TXNDC16: variants seen among roughly 807,000 people sequenced by gnomAD.
TXNDC16 encodes the protein thioredoxin domain-containing protein 16.
Under a neutral mutation model 85.6 loss-of-function variants are expected in TXNDC16, and 74 were observed. The ratio of observed to expected loss-of-function variants is 0.86; its 90% CI spans 0.72 to 1.05. The LOEUF (loss-of-function observed/expected upper bound fraction) is 1.05, where lower values mean the gene tolerates loss of function less well. Ranked by LOEUF, TXNDC16 falls within the 50% of genes least tolerant of loss-of-function variation. TXNDC16 has a pLI of 0.00. For synonymous variants in TXNDC16, 335 were observed against 326.5 expected (o/e 1.03, Z -0.28); for missense variants, 959 against 947.0 (o/e 1.01, Z -0.17).
chr14:52,465,454 T>C (rs2035750226), intron 16 of TXNDC16, among the ~76,000 whole-genome samples: 4 of 151,890 alleles, frequency 2.6e-5, no homozygotes, highest in Admixed American at 2.6e-4. Context: ...CAGCCGGGCT[T>C]GGTGGCGGGC....
chr14:52,522,913 T>C (rs950302670), intron 6 of TXNDC16, among the ~76,000 whole-genome samples: 1 of 152,164 alleles, frequency 6.6e-6, no homozygotes, highest in African/African-American at 2.4e-5. Flanking sequence ...AAAGATAAGT[T>C]CATGGGGCTT....
rs1016680735 is a variant in TXNDC16 at position 52,537,069 on chromosome 14, A to G, written c.318-276T>C. On this transcript the variant is annotated intron_variant, in intron 5 of 20. Coordinates refer to ENST00000281741, the MANE Select transcript of TXNDC16 (RefSeq NM_020784.3). ...TTCCTACCAGTCTCCCCAACTCACA[A>G]TCACACACACACACACACACACACA... 4.2e-5 allele frequency among the ~76,000 whole-genome samples: 4 copies of G among 96,278 alleles called. No homozygotes were observed. In the East Asian group the frequency reaches 1.3e-3, roughly 32 times the overall value. 63.2% of individuals were successfully genotyped at this position (96,278 alleles called of 152,430 possible).
chr14:52,468,172 T>C (rs1263060062), intron 16 of TXNDC16, among the ~76,000 whole-genome samples: 1 of 152,190 alleles, frequency 6.6e-6, no homozygotes, highest in Non-Finnish European at 1.5e-5. Context: ...TGGAGATTAG[T>C]TGTACAACAA....
chr14:52,532,173 G>A (rs1315515346), intron 6 of TXNDC16, among the ~76,000 whole-genome samples: 1 of 152,094 alleles, frequency 6.6e-6, no homozygotes, highest in African/African-American at 2.4e-5. Context: ...TACAGTTTGT[G>A]CTTTATATAA....
chr14:52,451,661 A>C (rs1301325630), intron 18 of TXNDC16, among the ~76,000 whole-genome samples: 1 of 152,130 alleles, frequency 6.6e-6, no homozygotes, highest in African/African-American at 2.4e-5. Flanking sequence ...CATTAAAAAA[A>C]CCCTCAAAAA....
intron 9 of TXNDC16, among the ~76,000 whole-genome samples, chr14:52,508,525 A>T (rs1369466011): frequency 6.6e-6 from 1 of 152,218 alleles, no homozygotes; most frequent in African/African-American, 2.4e-5. Context: ...TCAGGGATCT[A>T]GAACTAGAAA....
chr14:52,484,696 A>G (rs1209405448), intron 12 of TXNDC16, among the ~76,000 whole-genome samples: 2 of 152,152 alleles, frequency 1.3e-5, no homozygotes, highest in Admixed American at 6.5e-5. Context: ...CCTGGCCAAT[A>G]TGGTGAAACC....
rs1446017317 is a variant in TXNDC16 at position 52,432,094 on chromosome 14, T to A, written c.*210A>T. 1 of 413,578 alleles carries A rather than the reference T, an allele frequency of 2.4e-6. No homozygotes were observed. The highest frequency in any genetic ancestry group is 4.2e-6 in the Non-Finnish European group (1 of 239,752). 25.6% of individuals were successfully genotyped at this position (413,578 alleles called of 1,614,324 possible). A position where few individuals can be genotyped will look rare whatever the true frequency, so the allele number is the denominator to read the frequency against. On this transcript the variant is annotated 3_prime_UTR_variant, in exon 21 of 21. Coordinates refer to ENST00000281741, the MANE Select transcript of TXNDC16 (RefSeq NM_020784.3). ...TCGCTATTTTGGGTATACTACTGGG[T>A]GAAAAGTAATATCAAAATTATTTTG...
chr14:52,506,432 A>G (rs1433255110), intron 9 of TXNDC16, among the ~76,000 whole-genome samples: 1 of 151,994 alleles, frequency 6.6e-6, no homozygotes, highest in Non-Finnish European at 1.5e-5. Context: ...ACATAAATCA[A>G]TAAACGTAAT....
At chr14:52,459,129 CATAAA>C (rs1276037515) in intron 16 of TXNDC16, among the ~76,000 whole-genome samples, 3 of 152,084 alleles carry the variant, frequency 2.0e-5, no homozygotes, top group Non-Finnish European at 4.4e-5. Flanking sequence ...ATTTTAATTG[CATAAA>C]ATAAACATAT....
At chr14:52,547,011 T>C (rs183607429) in intron 1 of TXNDC16, among the ~76,000 whole-genome samples, 1 of 152,230 alleles carries the variant, frequency 6.6e-6, no homozygotes, top group African/African-American at 2.4e-5. Flanking sequence ...TATTTATAGC[T>C]CTAAAAGAAG....
chr14:52,504,483 G>A (rs2036742620), intron 9 of TXNDC16, among the ~76,000 whole-genome samples: 1 of 152,118 alleles, frequency 6.6e-6, no homozygotes, highest in Admixed American at 6.6e-5. Context: ...CTTCATAAGT[G>A]AAGGAGAAAT....
intron 9 of TXNDC16, among the ~76,000 whole-genome samples, chr14:52,505,993 G>A (rs970956852): frequency 3.3e-5 from 5 of 152,128 alleles, no homozygotes; most frequent in South Asian, 2.1e-4. Context: ...TAAATTCCTC[G>A]ACACGTAGAC....
At chr14:52,481,688 C>G (rs1192737579) in intron 14 of TXNDC16, among the ~76,000 whole-genome samples, 2 of 152,110 alleles carry the variant, frequency 1.3e-5, no homozygotes, top group African/African-American at 4.8e-5. Context: ...GATGGTAGCA[C>G]AGATATTTTC....
At chr14:52,545,308 C>T (rs1028115647) in intron 1 of TXNDC16, among the ~76,000 whole-genome samples, 4 of 152,174 alleles carry the variant, frequency 2.6e-5, no homozygotes, top group African/African-American at 7.2e-5. Context: ...TTTCCTATCT[C>T]GTTGGCCAAA....
intron 19 of TXNDC16, 116 bp downstream of exon 19, chr14:52,440,448 A>C: frequency 1.3e-6 from 1 of 742,506 alleles, no homozygotes; most frequent in Admixed American, 4.1e-5. Context: ...TCATGGTGAC[A>C]TATTTGGTTC....
chr14:52,492,886 C>G (rs1049250770), intron 9 of TXNDC16, among the ~76,000 whole-genome samples: 5 of 152,194 alleles, frequency 3.3e-5, no homozygotes, highest in African/African-American at 1.2e-4. Flanking sequence ...CCAACCCCAA[C>G]TGCCTTGAAG....
intron 6 of TXNDC16, among the ~76,000 whole-genome samples, chr14:52,529,784 A>C (rs1478458826): frequency 8.6e-6 from 1 of 116,482 alleles, no homozygotes; most frequent in Non-Finnish European, 1.6e-5. Flanking sequence ...TACCTAGTAT[A>C]TATTATATAA....
intron 9 of TXNDC16, among the ~76,000 whole-genome samples, chr14:52,495,893 C>T (rs529376058): frequency 6.6e-6 from 1 of 152,220 alleles, no homozygotes; most frequent in Admixed American, 6.5e-5. Flanking sequence ...ACCATGGTGG[C>T]TCACGCCTGT....
Sources: gnomAD v4.1 joint callset for allele counts (sites outside exome capture counted in the v4.1 genomes callset) on GRCh38, gnomAD v4.1.1 for gene constraint, MANE v1.5 for transcripts, NCBI Gene and HGNC (gene_info 2026-07-23, HGNC 2026-07-21) for gene names.